IQGAP2: variants seen among roughly 807,000 people sequenced by gnomAD.
IQGAP2 encodes ras GTPase-activating-like protein IQGAP2.
A neutral mutation model predicts 201.3 loss-of-function variants in IQGAP2; 173 were observed. The observed-to-expected ratio is 0.86, with a 90% CI of 0.76 to 0.98. The LOEUF is 0.98. Among genes scored for constraint, IQGAP2 ranks in the 50% least tolerant of loss-of-function variants. IQGAP2 has a pLI of 0.00. For missense variants in IQGAP2, 1,687 were observed against 1,864.8 expected (o/e 0.90, Z 1.76); for synonymous variants, 675 against 673.9 (o/e 1.00, Z -0.03).
At chr5:76,568,315 T>C (rs1044008855) in intron 3 of IQGAP2, among the ~76,000 whole-genome samples, 1 of 152,166 alleles carries the variant, frequency 6.6e-6, no homozygotes, top group Non-Finnish European at 1.5e-5. Context: ...ACCTTAAAGG[T>C]AAACGAAAGT....
chr5:76,583,738 AAATAGCTATC>A (rs1197322061), intron 5 of IQGAP2, among the ~76,000 whole-genome samples: 4 of 152,238 alleles, frequency 2.6e-5, no homozygotes, highest in Non-Finnish European at 4.4e-5. Flanking sequence ...ATGTAATTGG[AAATAGCTATC>A]TAACTTCTTT....
intron 12 of IQGAP2, among the ~76,000 whole-genome samples, chr5:76,609,841 A>ATGTG (rs34776267): frequency 9.2e-4 from 134 of 145,424 alleles, no homozygotes; most frequent in East Asian, 4.2e-3. Context: ...TTATATATAT[A>ATGTG]TGTGTGTGTG....
rs1351387435 is a variant in IQGAP2, at chr5:76,695,493, A to G, written c.4033A>G (p.Ile1345Val). ...HATDMVSRAMIDSRTPEEMKH... is the reference protein window; with the variant it reads ...HATDMVSRAMVDSRTPEEMKH... ...CACGGACATGGTGAGCCGTGCAATG[A>G]TAGATTCCAGGACTCCAGAAGAAAT... The change falls in exon 32 of 36, where the codon ATA becomes GTA. Residue 1345 changes from isoleucine to valine, a missense_variant. Coordinates refer to ENST00000274364, the MANE Select transcript of IQGAP2 (RefSeq NM_006633.5). 1.2e-6 allele frequency: 2 copies of G among 1,614,204 alleles called. No individual in the cohort carries two copies. The highest frequency in any genetic ancestry group is 2.2e-5 in the South Asian group (2 of 91,084).
At chr5:76,505,702 C>G (rs1457507492) in intron 2 of IQGAP2, among the ~76,000 whole-genome samples, 1 of 152,258 alleles carries the variant, frequency 6.6e-6, no homozygotes, top group South Asian at 2.1e-4. Context: ...CAGGTGTATT[C>G]CTGATCTCCT....
intron 1 of IQGAP2, among the ~76,000 whole-genome samples, 192 bp from the exon 2 acceptor site, chr5:76,461,378 A>AAAT (rs1554057973): frequency 2.0e-4 from 30 of 151,594 alleles, no homozygotes; most frequent in African/African-American, 7.0e-4. Context: ...AAAAAAAAAA[A>AAAT]AAATAAAAAT....
chr5:76,695,249 C>T (rs1746618282), intron 31 of IQGAP2, among the ~76,000 whole-genome samples: 1 of 152,142 alleles, frequency 6.6e-6, no homozygotes, highest in Non-Finnish European at 1.5e-5. Context: ...GAGAATTTTT[C>T]CCAAATAAGG....
intron 2 of IQGAP2, among the ~76,000 whole-genome samples, chr5:76,531,959 C>T (rs1440526132): frequency 1.3e-5 from 2 of 152,218 alleles, no homozygotes; most frequent in Non-Finnish European, 2.9e-5. Flanking sequence ...GCTGTCTGCT[C>T]ACGTAATCTC....
intron 12 of IQGAP2, among the ~76,000 whole-genome samples, chr5:76,610,107 TATATATA>T (rs1273215842): frequency 5.4e-3 from 95 of 17,600 alleles, no homozygotes; most frequent in East Asian, 9.3e-3. Context: ...TATATATATA[TATATATA>T]TTTTTTTTTT....
chr5:76,440,161 G>A (rs1752948305), intron 1 of IQGAP2, among the ~76,000 whole-genome samples: 1 of 152,092 alleles, frequency 6.6e-6, no homozygotes, highest in Non-Finnish European at 1.5e-5. Flanking sequence ...TTCTGCTTGA[G>A]GCTAAAGATA....
intron 2 of IQGAP2, among the ~76,000 whole-genome samples, chr5:76,517,065 C>G (rs1240183420): frequency 6.6e-6 from 1 of 151,968 alleles, no homozygotes; most frequent in Non-Finnish European, 1.5e-5. Flanking sequence ...AAACCAGGAG[C>G]CAGAGACCAA....
chr5:76,657,399 G>T (rs1451098144), intron 20 of IQGAP2, among the ~76,000 whole-genome samples: 1 of 152,160 alleles, frequency 6.6e-6, no homozygotes, highest in Non-Finnish European at 1.5e-5. Context: ...GAAATAAAGG[G>T]TCCCATGATC....
At chr5:76,417,575 G>A (rs540894296) in intron 1 of IQGAP2, among the ~76,000 whole-genome samples, 30 of 151,988 alleles carry the variant, frequency 2.0e-4, no homozygotes, top group African/African-American at 5.1e-4. Context: ...GTAAGCCACC[G>A]CGCCTGGCCT....
At chr5:76,482,738 C>T (rs1216041095) in intron 2 of IQGAP2, among the ~76,000 whole-genome samples, 1 of 152,208 alleles carries the variant, frequency 6.6e-6, no homozygotes, top group Non-Finnish European at 1.5e-5. Flanking sequence ...ATCAGAGCAG[C>T]ATTATCCAAA....
At chr5:76,680,794 TAAA>T (rs755958579) in intron 28 of IQGAP2, among the ~76,000 whole-genome samples, 2 of 115,514 alleles carry the variant, frequency 1.7e-5, no homozygotes, top group African/African-American at 3.3e-5. Flanking sequence ...TTGTCTCATT[TAAA>T]AAAAAAAAAA....
At chr5:76,599,667 T>A (rs62362019) in intron 10 of IQGAP2, among the ~76,000 whole-genome samples, 25,259 of 152,186 alleles carry the variant, frequency 0.17, 2,257 homozygotes, top group Admixed American at 0.28. Context: ...ACTATCCCTT[T>A]TTATTCTGAA....
chr5:76,645,974 A>G (rs539717455), intron 17 of IQGAP2, among the ~76,000 whole-genome samples: 1 of 152,316 alleles, frequency 6.6e-6, no homozygotes, highest in East Asian at 1.9e-4. Context: ...TTTGGAGTTT[A>G]GGTAATTCCA....
chr5:76,607,708 C>T (rs955232597), intron 12 of IQGAP2: 3 of 152,354 alleles, frequency 2.0e-5, no homozygotes, highest in Non-Finnish European at 4.4e-5. Flanking sequence ...GGGGGACCAC[C>T]ACTGCTCCTA....
chr5:76,636,382 T>C (rs1751126269), intron 15 of IQGAP2, among the ~76,000 whole-genome samples: 1 of 152,178 alleles, frequency 6.6e-6, no homozygotes, highest in Admixed American at 6.5e-5. Flanking sequence ...ATGACTACCA[T>C]AGGATTTTCT....
Position 76,665,157 on chromosome 5 carries a change from G to A in IQGAP2, c.2661G>A (p.Gln887=), listed in dbSNP as rs1743639193. The A allele has an allele frequency of 6.2e-7, 1 of 1,613,104 alleles. No individual in the cohort carries two copies. Among genetic ancestry groups the A allele is most frequent in the African/African-American group, 1.3e-5 (1 of 74,846 alleles). Residue 887 remains glutamine (Q), a synonymous_variant, in exon 22 of 36, where the codon CAG becomes CAA. Coordinates refer to ENST00000274364, the MANE Select transcript of IQGAP2 (RefSeq NM_006633.5). ...ERRKTLETYQ[Q]LFYLLQTNPL... ...GAAAAACACTAGAAACATATCAGCA[G>A]CTGTTTTACCTTTTACAGGTGAGAA...
Sources: allele counts gnomAD v4.1 joint callset (sites outside exome capture counted in the v4.1 genomes callset), GRCh38; gene constraint gnomAD v4.1.1; transcripts MANE v1.5; gene names NCBI Gene and HGNC (gene_info 2026-07-23, HGNC 2026-07-21).